Variants in MTAP observed in about 807,000 individuals in gnomAD.
MTAP encodes the protein S-methyl-5'-thioadenosine phosphorylase.
MTAP carries 33 observed loss-of-function variants against 33.6 expected under a neutral mutation model. That is an observed-to-expected ratio of 0.98 (90% confidence interval 0.74 to 1.31). The LOEUF (loss-of-function observed/expected upper bound fraction) is 1.31. Ranked by LOEUF, MTAP falls within the 40% of genes most tolerant of loss-of-function variation. The probability of loss-of-function intolerance (pLI) is 0.00; values close to 1 mark genes in which losing one functional copy is unlikely to be tolerated. For synonymous variants in MTAP, 148 were observed against 125.7 expected (o/e 1.18, Z -1.19); for missense variants, 367 against 360.0 (o/e 1.02, Z -0.16).
At chr9:21,825,456 G>C (rs150784844) in intron 4 of MTAP, among the ~76,000 whole-genome samples, 1 of 152,150 alleles carries the variant, frequency 6.6e-6, no homozygotes, top group Non-Finnish European at 1.5e-5. Flanking sequence ...AGTAATGGCT[G>C]TATTAATTTA....
chr9:21,833,212 A>G (rs991947002), intron 4 of MTAP, among the ~76,000 whole-genome samples: 3 of 152,020 alleles, frequency 2.0e-5, no homozygotes, highest in Non-Finnish European at 4.4e-5. Flanking sequence ...TTTTGAGACA[A>G]GATCTCACTC....
chr9:21,817,382 C>T (rs1824502311), intron 3 of MTAP, among the ~76,000 whole-genome samples: 1 of 151,916 alleles, frequency 6.6e-6, no homozygotes, highest in South Asian at 2.1e-4. Flanking sequence ...TTAGCCAGTC[C>T]TCTGCTTGGG....
intron 5 of MTAP, among the ~76,000 whole-genome samples, chr9:21,849,943 C>G (rs1825472382): frequency 6.6e-6 from 1 of 152,246 alleles, no homozygotes; most frequent in African/African-American, 2.4e-5. Context: ...CCATAAGGAC[C>G]ACCAGAAGCA....
chr9:21,887,730 A>G (rs917994244), intron 1 of MTAP, among the ~76,000 whole-genome samples: 2 of 152,200 alleles, frequency 1.3e-5, no homozygotes, highest in African/African-American at 2.4e-5. Context: ...TCCCACCAAC[A>G]GTGTAAAAGT....
At chr9:21,878,666 T>G (rs1415907587) in intron 1 of MTAP, among the ~76,000 whole-genome samples, 1 of 152,092 alleles carries the variant, frequency 6.6e-6, no homozygotes, top group Non-Finnish European at 1.5e-5. Context: ...CCAGCCAAGA[T>G]CTTGCTAAAT....
chr9:21,873,267 T>C (rs1049209136), intron 1 of MTAP, among the ~76,000 whole-genome samples: 3 of 152,206 alleles, frequency 2.0e-5, no homozygotes, highest in East Asian at 3.8e-4. Context: ...TAGGCGTCTA[T>C]AAACTGTGAA....
rs1193304119 is a variant in MTAP at position 21,864,903 on chromosome 9, A to C, written c.*2889A>C. 1.0e-6 allele frequency: 1 copy of C among 985,318 alleles called. No homozygotes were observed. Among genetic ancestry groups the C allele is most frequent in the Non-Finnish European group, 1.2e-6 (1 of 829,932 alleles). 61.0% of individuals were successfully genotyped at this position (985,318 alleles called of 1,614,324 possible). ...TGGCCCCACCAACACCTATTTTCCAAATAATTATTCATTCTTGTGACAGTG... is the reference window on the plus strand; with the variant it reads ...TGGCCCCACCAACACCTATTTTCCACATAATTATTCATTCTTGTGACAGTG... On this transcript the variant is annotated 3_prime_UTR_variant, in exon 8 of 8. Transcript: ENST00000644715.
chr9:21,938,082 G>A (rs1819069134), downstream of MTAP, among the ~76,000 whole-genome samples: 1 of 152,122 alleles, frequency 6.6e-6, no homozygotes, highest in Admixed American at 6.6e-5. Flanking sequence ...AGACCAGTCT[G>A]GGCAGCAAGG....
intron 1 of MTAP, among the ~76,000 whole-genome samples, chr9:21,916,336 A>C (rs1031397903): frequency 5.3e-5 from 8 of 152,110 alleles, no homozygotes; most frequent in African/African-American, 1.9e-4. Flanking sequence ...TTAGCTGGGC[A>C]TGGTGGCTCA....
chr9:21,902,623 G>A (rs1330839531), intron 1 of MTAP, among the ~76,000 whole-genome samples: 2 of 152,112 alleles, frequency 1.3e-5, no homozygotes, highest in African/African-American at 4.8e-5. Flanking sequence ...TGAACTTTCT[G>A]ACCTAAGTAT....
At chr9:21,831,020 A>G (rs891229574) in intron 4 of MTAP, among the ~76,000 whole-genome samples, 1 of 152,174 alleles carries the variant, frequency 6.6e-6, no homozygotes, top group Non-Finnish European at 1.5e-5. Flanking sequence ...TCAAGTCATG[A>G]GGCATTTTGT....
chr9:21,854,923 A>G (rs1419194851), intron 6 of MTAP, 53 bp downstream of exon 6: 1 of 1,596,390 alleles, frequency 6.3e-7, no homozygotes, highest in Non-Finnish European at 8.5e-7. Context: ...GGGTGCCAAT[A>G]GGGTGTCTTA....
downstream of MTAP, among the ~76,000 whole-genome samples, chr9:21,869,350 A>G (rs899684901): frequency 1.3e-5 from 2 of 152,126 alleles, no homozygotes; most frequent in African/African-American, 4.8e-5. Flanking sequence ...TTAGTTTCCT[A>G]TCAGCCGCAT....
At chr9:21,930,868 A>G (rs1818946833) in intron 1 of MTAP, 1 of 639,240 alleles carries the variant, frequency 1.6e-6, no homozygotes, top group African/African-American at 1.8e-5. Context: ...GGTTAGTTAG[A>G]TTGGTAAGGA....
intron 1 of MTAP, among the ~76,000 whole-genome samples, chr9:21,924,228 T>C (rs1818831413): frequency 6.6e-6 from 1 of 152,196 alleles, no homozygotes; most frequent in Non-Finnish European, 1.5e-5. Flanking sequence ...AGATACCTTC[T>C]TTTTCCTTTT....
chr9:21,805,857 T>C (rs1291366957), intron 1 of MTAP, among the ~76,000 whole-genome samples: 3 of 152,216 alleles, frequency 2.0e-5, no homozygotes, highest in East Asian at 3.8e-4. Context: ...GCAGCCTGAA[T>C]GGACTTAAGC....
chr9:21,890,406 G>A (rs1202709625), intron 1 of MTAP, among the ~76,000 whole-genome samples: 2 of 152,164 alleles, frequency 1.3e-5, no homozygotes, highest in Non-Finnish European at 2.9e-5. Flanking sequence ...CTTCTCACCT[G>A]CCATGGCTTC....
At chr9:21,905,188 A>G (rs190629385) in intron 1 of MTAP, among the ~76,000 whole-genome samples, 2 of 152,330 alleles carry the variant, frequency 1.3e-5, no homozygotes, top group South Asian at 2.1e-4. Flanking sequence ...TGGAAAAATC[A>G]GATCACACGT....
At position 21,822,647 on chromosome 9, in the gene MTAP, C is replaced by T. The variant is rs183331826; in HGVS notation, c.347+4445C>T. On this transcript the variant is annotated intron_variant, in intron 4 of 7. Coordinates refer to ENST00000644715, the MANE Select transcript of MTAP (RefSeq NM_002451.4). Reference sequence around the variant, plus strand: ...GAGTTCTGTAGATGTCTGTTAGGTCCGCTTGGTGCAGAGCTGAATTCAATT... The same window carrying T: ...GAGTTCTGTAGATGTCTGTTAGGTCTGCTTGGTGCAGAGCTGAATTCAATT... Among the ~76,000 whole-genome samples the T allele has an allele frequency of 4.1e-4, 62 of 152,190 alleles. No homozygotes were observed. The South Asian group carries it at 6.2e-3, about 15-fold the overall frequency.
Sources: gnomAD v4.1 joint callset for allele counts (sites outside exome capture counted in the v4.1 genomes callset) on GRCh38, gnomAD v4.1.1 for gene constraint, MANE v1.5 for transcripts, NCBI Gene and HGNC (gene_info 2026-07-23, HGNC 2026-07-21) for gene names.